Variants in MAD1L1 observed in about 807,000 individuals in gnomAD.
MAD1L1 encodes the protein mitotic arrest deficient 1 like 1.
Under a neutral mutation model 96.9 loss-of-function variants are expected in MAD1L1, and 95 were observed. That is an observed-to-expected ratio of 0.98 (90% CI 0.83 to 1.16). MAD1L1 has a LOEUF of 1.16. MAD1L1 is among the 50% of genes most tolerant of loss of function. The probability of loss-of-function intolerance (pLI) is 0.00; values close to 1 mark genes in which losing one functional copy is unlikely to be tolerated. For synonymous variants in MAD1L1, 473 were observed against 396.6 expected, an observed-to-expected ratio of 1.19 and a Z score of -2.29; for missense variants, 1,007 against 954.4, an observed-to-expected ratio of 1.06 and a Z score of -0.73.
intron 17 of MAD1L1, among the ~76,000 whole-genome samples, chr7:1,925,607 C>CG (rs1562529097): frequency 6.6e-6 from 1 of 152,206 alleles, no homozygotes; most frequent in African/African-American, 2.4e-5. Flanking sequence ...GTGACCTCAA[C>CG]GCCTCCCAGG....
intron 18 of MAD1L1, among the ~76,000 whole-genome samples, chr7:1,862,088 C>A (rs969704695): frequency 4.6e-5 from 7 of 151,652 alleles, no homozygotes; most frequent in Non-Finnish European, 7.3e-5. Flanking sequence ...TGGCTGGACA[C>A]CCCCACCCAT....
chr7:1,969,536 A>G (rs1583950161), intron 15 of MAD1L1, among the ~76,000 whole-genome samples: 2 of 152,340 alleles, frequency 1.3e-5, no homozygotes, highest in African/African-American at 2.4e-5. Context: ...TAGTCAAGAA[A>G]AAGAAATAAA....
At chr7:1,931,274 G>A (rs969000369) in intron 17 of MAD1L1, among the ~76,000 whole-genome samples, 26 of 150,964 alleles carry the variant, frequency 1.7e-4, no homozygotes, top group African/African-American at 4.9e-4. Context: ...GCGAGGGCGC[G>A]TCGTGGGGTC....
intron 11 of MAD1L1, among the ~76,000 whole-genome samples, chr7:2,105,378 A>C (rs1787034872): frequency 7.7e-6 from 1 of 129,972 alleles, no homozygotes; most frequent in Non-Finnish European, 1.6e-5. Context: ...CAGAAACCGC[A>C]GTGCCCTACG....
intron 17 of MAD1L1, among the ~76,000 whole-genome samples, chr7:1,903,260 G>A (rs1787378043): frequency 2.6e-5 from 4 of 151,078 alleles, no homozygotes; most frequent in African/African-American, 4.9e-5. Flanking sequence ...GTGGCCTACG[G>A]AAGACACTCT....
chr7:1,899,917 G>T (rs1418907929), intron 17 of MAD1L1, among the ~76,000 whole-genome samples: 1 of 152,168 alleles, frequency 6.6e-6, no homozygotes, highest in African/African-American at 2.4e-5. Context: ...GACGCGGGAG[G>T]GGCCGCGGTT....
At chr7:2,074,118 C>T (rs955479366) in intron 11 of MAD1L1, among the ~76,000 whole-genome samples, 1 of 152,162 alleles carries the variant, frequency 6.6e-6, no homozygotes, top group Non-Finnish European at 1.5e-5. Flanking sequence ...GTTCAGCACA[C>T]GGGATGTGGG....
intron 11 of MAD1L1, among the ~76,000 whole-genome samples, chr7:2,147,106 G>A (rs918769484): frequency 9.9e-5 from 15 of 152,204 alleles, no homozygotes; most frequent in Non-Finnish European, 2.1e-4. Context: ...ACCCGGGGAC[G>A]GCTCAGTGCC....
At chr7:2,156,516 C>T (rs1419355865) in intron 10 of MAD1L1, among the ~76,000 whole-genome samples, 2 of 151,682 alleles carry the variant, frequency 1.3e-5, no homozygotes, top group Non-Finnish European at 2.9e-5. Context: ...TACCGATCAT[C>T]TGCATAAATA....
rs1335162917 is a variant in MAD1L1 at position 2,215,895 on chromosome 7, A to G, written c.914T>C (p.Leu305Pro). 6.2e-7 allele frequency: 1 copy of G among 1,614,008 alleles called. No individual in the cohort carries two copies. The highest frequency in any genetic ancestry group is 1.3e-5 in the African/African-American group (1 of 74,918). ...CACACAGGCCCTCACCTCGTTCTCC[A>G]GCTCCAAGCCAACCAGCGTCTCCTG... ...KMQETLVGLE[L>P]ENERLLAKLQ... Residue 305 changes from leucine to proline, a missense_variant, in exon 9 of 19, where the codon CTG (leucine) becomes CCG (proline). Coordinates refer to ENST00000265854, the MANE Select transcript of MAD1L1 (RefSeq NM_001013836.2).
At chr7:2,033,435 C>T (rs1020881681) in intron 12 of MAD1L1, among the ~76,000 whole-genome samples, 3 of 152,230 alleles carry the variant, frequency 2.0e-5, no homozygotes, top group African/African-American at 4.8e-5. Context: ...CAGCACGCTT[C>T]GCCACACCAA....
chr7:2,061,371 A>T (rs1562649287), intron 12 of MAD1L1, among the ~76,000 whole-genome samples: 1 of 149,004 alleles, frequency 6.7e-6, no homozygotes, highest in Admixed American at 6.7e-5. Flanking sequence ...AAAATAAAAT[A>T]AAAATAAAAG....
At chr7:2,071,747 C>T (rs969923903) in intron 11 of MAD1L1, among the ~76,000 whole-genome samples, 8 of 151,948 alleles carry the variant, frequency 5.3e-5, no homozygotes, top group Admixed American at 1.3e-4. Context: ...GAGCAGGGAG[C>T]GCTTTCACTG....
intron 10 of MAD1L1, among the ~76,000 whole-genome samples, chr7:2,174,383 G>A (rs1790851221): frequency 1.3e-5 from 2 of 152,142 alleles, no homozygotes; most frequent in Admixed American, 1.3e-4. Flanking sequence ...GATATTTGGG[G>A]TCCAGCAACA....
chr7:1,956,892 A>C (rs1779751989), intron 16 of MAD1L1, among the ~76,000 whole-genome samples: 1 of 152,224 alleles, frequency 6.6e-6, no homozygotes. Flanking sequence ...GGAGCAGGGA[A>C]GCCGTAAGTG....
intron 12 of MAD1L1, among the ~76,000 whole-genome samples, chr7:2,047,958 G>A (rs983377357): frequency 2.0e-5 from 3 of 152,112 alleles, no homozygotes; most frequent in Non-Finnish European, 4.4e-5. Context: ...AAGCACACGT[G>A]CACACTCACA....
At chr7:2,026,642 C>T (rs1783007935) in intron 12 of MAD1L1, among the ~76,000 whole-genome samples, 1 of 152,056 alleles carries the variant, frequency 6.6e-6, no homozygotes. Context: ...TAAGAAGATA[C>T]CTGAAAATCA....
chr7:2,178,312 T>C (rs547029016), intron 10 of MAD1L1, among the ~76,000 whole-genome samples: 1 of 152,330 alleles, frequency 6.6e-6, no homozygotes, highest in African/African-American at 2.4e-5. Context: ...TCCTCCTTTT[T>C]AACGTGATAG....
At chr7:1,992,889 G>T (rs1041729604) in intron 14 of MAD1L1, among the ~76,000 whole-genome samples, 1 of 152,162 alleles carries the variant, frequency 6.6e-6, no homozygotes, top group African/African-American at 2.4e-5. Context: ...AACGGGATCA[G>T]CTTATGGAAG....
Sources: gnomAD v4.1 joint callset for allele counts (sites outside exome capture counted in the v4.1 genomes callset) on GRCh38, gnomAD v4.1.1 for gene constraint, MANE v1.5 for transcripts, NCBI Gene and HGNC (gene_info 2026-07-23, HGNC 2026-07-21) for gene names.